CFAP69: variants seen among roughly 807,000 people sequenced by gnomAD.
The protein encoded by CFAP69 is cilia and flagella associated protein 69, also known as cilia- and flagella-associated protein 69.
CFAP69 carries 92 observed loss-of-function variants against 123.0 expected under a neutral mutation model. The ratio of observed to expected loss-of-function variants is 0.75; its 90% CI spans 0.63 to 0.89. The LOEUF is 0.89. Ranked by LOEUF, CFAP69 falls within the 40% of genes least tolerant of loss-of-function variation. The probability of loss-of-function intolerance (pLI) is 0.00; values close to 1 mark genes in which losing one functional copy is unlikely to be tolerated. For synonymous variants in CFAP69, 380 were observed against 364.3 expected, an observed-to-expected ratio of 1.04 and a Z score of -0.49; for missense variants, 1,067 against 1,096.9, an observed-to-expected ratio of 0.97 and a Z score of 0.39.
chr7:90,255,684 A>G (rs1290158886), intron 2 of CFAP69, among the ~76,000 whole-genome samples: 1 of 152,166 alleles, frequency 6.6e-6, no homozygotes. Context: ...GAGGAAGAGA[A>G]TAGATTTGCT....
intron 15 of CFAP69, among the ~76,000 whole-genome samples, chr7:90,296,705 G>A (rs1307865851): frequency 6.6e-6 from 1 of 152,166 alleles, no homozygotes; most frequent in Admixed American, 6.5e-5. Flanking sequence ...GTTTTGTGGA[G>A]ATATAAGACA....
At chr7:90,270,893 A>C (rs11563435) in intron 6 of CFAP69, among the ~76,000 whole-genome samples, 68,081 of 151,838 alleles carry the variant, frequency 0.45, 16,269 homozygotes, top group Non-Finnish European at 0.54. Context: ...TGTCACCAAG[A>C]ATCAAACTTC....
chr7:90,250,369 C>T (rs764781719), intron 1 of CFAP69, among the ~76,000 whole-genome samples: 10 of 152,114 alleles, frequency 6.6e-5, no homozygotes, highest in Non-Finnish European at 1.5e-4. Flanking sequence ...CCCAGGGCCT[C>T]AGTTTCATTA....
At chr7:90,279,473 A>T (rs1363521322) in intron 11 of CFAP69, among the ~76,000 whole-genome samples, 1 of 152,004 alleles carries the variant, frequency 6.6e-6, no homozygotes, top group Non-Finnish European at 1.5e-5. Context: ...ATTGTCAGGG[A>T]GTACATACCT....
chr7:90,282,113 A>G (rs1413974845), intron 12 of CFAP69, among the ~76,000 whole-genome samples: 3 of 151,912 alleles, frequency 2.0e-5, no homozygotes, highest in Non-Finnish European at 4.4e-5. Flanking sequence ...TAATCCCAAC[A>G]CTTTCAAGGC....
At chr7:90,285,175 A>G (rs1250074352) in intron 13 of CFAP69, among the ~76,000 whole-genome samples, 2 of 152,134 alleles carry the variant, frequency 1.3e-5, no homozygotes, top group Non-Finnish European at 2.9e-5. Context: ...GTTCCTGATA[A>G]AGCGATATAG....
chr7:90,273,997 G>A lies in CFAP69; in HGVS notation c.871G>A (p.Glu291Lys). ...GATTTTACTTTCTAGGGCTTTGAAGGAAGTATTTAAAAATCTGTTTATGAG... is the reference window on the plus strand; with the variant it reads ...GATTTTACTTTCTAGGGCTTTGAAGAAAGTATTTAAAAATCTGTTTATGAG... ...SNLECLLALKEVFKNLFMRGF... is the reference protein window; with the variant it reads ...SNLECLLALKKVFKNLFMRGF... Residue 291 changes from glutamate (E) to lysine (K), a missense_variant, in exon 9 of 23, where the codon GAA (glutamate) becomes AAA (lysine). Transcript: ENST00000389297. The A allele has an allele frequency of 6.3e-7, 1 of 1,595,152 alleles. No individual in the cohort carries two copies. The highest frequency in any genetic ancestry group is 8.5e-7 in the Non-Finnish European group (1 of 1,172,294).
chr7:90,307,674 A>G lies in CFAP69; in HGVS notation c.2464-94A>G, dbSNP rs1050827883. 14 of 692,870 alleles carry G rather than the reference A, an allele frequency of 2.0e-5. No homozygotes were observed. In the South Asian group the frequency reaches 2.3e-4, roughly 12 times the overall value. 42.9% of individuals were successfully genotyped at this position (692,870 alleles called of 1,614,324 possible). ...GGCAGAGAGATACTTGAGACATGCC[A>G]CTGGACTCCAGCCTGGGTGACAGAG... is the stretch of plus-strand genomic sequence containing the variant. On this transcript the variant is annotated intron_variant, in intron 20 of 22. Coordinates refer to ENST00000389297, the MANE Select transcript of CFAP69 (RefSeq NM_001039706.3).
intron 14 of CFAP69, 133 bp from the exon 15 acceptor site, chr7:90,288,101 A>G: frequency 1.6e-6 from 1 of 622,270 alleles, no homozygotes; most frequent in Non-Finnish European, 2.6e-6. Flanking sequence ...AAATTGCAGT[A>G]AAAATAGTAT....
chr7:90,251,843 T>G (rs1797049631), intron 1 of CFAP69: 1 of 152,188 alleles, frequency 6.6e-6, no homozygotes, highest in African/African-American at 2.4e-5. Context: ...TACTCTCTGT[T>G]CTTTTAAAAA....
At chr7:90,255,258 T>G (rs2116634717) in intron 1 of CFAP69, among the ~76,000 whole-genome samples, 165 bp from the exon 2 acceptor site, 1 of 152,338 alleles carries the variant, frequency 6.6e-6, no homozygotes. Context: ...CAAAATCTAT[T>G]TATTCCTGTG....
chr7:90,268,258 A>T, intron 5 of CFAP69, 28 bp from the exon 6 acceptor site: 1 of 1,439,310 alleles, frequency 6.9e-7, no homozygotes, highest in Non-Finnish European at 9.7e-7. Flanking sequence ...CAGTGTTGTT[A>T]AATAGCACCT....
At chr7:90,285,989 G>A (rs960009885) in intron 13 of CFAP69, among the ~76,000 whole-genome samples, 1 of 152,100 alleles carries the variant, frequency 6.6e-6, no homozygotes, top group Non-Finnish European at 1.5e-5. Context: ...ACTATGCAAT[G>A]AAAATATCCT....
intron 8 of CFAP69, 67 bp downstream of exon 8, chr7:90,272,025 C>A: frequency 7.1e-7 from 1 of 1,399,964 alleles, no homozygotes; most frequent in Non-Finnish European, 9.7e-7. Flanking sequence ...ACATAACTAA[C>A]ATCTTTGTTT....
At chr7:90,253,655 C>T (rs80103025) in intron 1 of CFAP69, among the ~76,000 whole-genome samples, 2,341 of 152,208 alleles carry the variant, frequency 0.015, 67 homozygotes, top group African/African-American at 0.053. Context: ...TCCTCTCAAG[C>T]GCTGGGATTA....
At chr7:90,256,141 A>T (rs1459869950) in intron 2 of CFAP69, among the ~76,000 whole-genome samples, 2 of 152,200 alleles carry the variant, frequency 1.3e-5, no homozygotes, top group Non-Finnish European at 2.9e-5. Flanking sequence ...AATGCCCATC[A>T]ATGATAGACT....
chr7:90,259,965 T>C (rs546975884), intron 3 of CFAP69, among the ~76,000 whole-genome samples: 1 of 152,304 alleles, frequency 6.6e-6, no homozygotes, highest in African/African-American at 2.4e-5. Flanking sequence ...CTTTGAATAG[T>C]ATTCATCTAA....
At chr7:90,273,610 T>G (rs979468994) in intron 8 of CFAP69, among the ~76,000 whole-genome samples, 1 of 152,172 alleles carries the variant, frequency 6.6e-6, no homozygotes, top group Non-Finnish European at 1.5e-5. Flanking sequence ...CATAAAAGTG[T>G]GTGTTTTAGT....
intron 15 of CFAP69, among the ~76,000 whole-genome samples, chr7:90,294,314 CT>C (rs1286902845): frequency 2.1e-4 from 32 of 152,136 alleles, no homozygotes; most frequent in African/African-American, 7.5e-4. Flanking sequence ...TACCAATAAT[CT>C]TTATTAAAAC....
Sources: gnomAD v4.1 joint callset for allele counts (sites outside exome capture counted in the v4.1 genomes callset) on GRCh38, gnomAD v4.1.1 for gene constraint, MANE v1.5 for transcripts, NCBI Gene and HGNC (gene_info 2026-07-23, HGNC 2026-07-21) for gene names.